The following ARHGAP24 variants were observed in gnomAD, a reference collection of about 807,000 sequenced individuals.
The protein encoded by ARHGAP24 is rho GTPase-activating protein 24.
ARHGAP24 carries 50 observed loss-of-function variants against 76.4 expected under a neutral mutation model. That is an observed-to-expected ratio of 0.65 (90% CI 0.52 to 0.83). The LOEUF (loss-of-function observed/expected upper bound fraction) is 0.83. Ranked by LOEUF, ARHGAP24 falls within the 40% of genes least tolerant of loss-of-function variation. ARHGAP24 has a pLI of 0.00. For synonymous variants in ARHGAP24, 345 were observed against 323.3 expected (o/e 1.07, Z -0.72); for missense variants, 930 against 914.2 (o/e 1.02, Z -0.22).
Position 85,510,840 on chromosome 4 carries a change from TCTC to T in ARHGAP24, c.-21+35282_-21+35284del, listed in dbSNP as rs748114735. ...CCTCCTCCTTCTCTCTCGCTCTCTC[TCTC>T]TTCCTCTGAGTCTCTATTCTCATCG... On this transcript the variant is annotated intron_variant, in intron 1 of 9. Coordinates refer to ENST00000395184, the MANE Select transcript of ARHGAP24 (RefSeq NM_001025616.3). Among the ~76,000 whole-genome samples the T allele has an allele frequency of 4.0e-3, 573 of 144,508 alleles. 4 individuals carry two copies. The highest frequency in any genetic ancestry group is 8.3e-3 in the South Asian group (35 of 4,212). 94.8% of individuals were successfully genotyped at this position (144,508 alleles called of 152,430 possible).
intron 3 of ARHGAP24, among the ~76,000 whole-genome samples, chr4:85,765,039 C>A (rs776703304): frequency 5.9e-5 from 9 of 151,998 alleles, no homozygotes; most frequent in Non-Finnish European, 1.2e-4. Flanking sequence ...TGCTTCCATG[C>A]AATAGAAGTG....
chr4:85,600,139 A>T (rs1006706169), intron 2 of ARHGAP24, among the ~76,000 whole-genome samples: 3 of 152,206 alleles, frequency 2.0e-5, no homozygotes. Context: ...AGGAGGGAAC[A>T]ACAGTAGGTG....
intron 5 of ARHGAP24, 150 bp downstream of exon 5, chr4:85,942,423 T>A: frequency 3.1e-6 from 3 of 966,218 alleles, no homozygotes; most frequent in Non-Finnish European, 4.7e-6. Context: ...TTGTTTCTAT[T>A]AAGTTACAAA....
At chr4:85,574,585 C>G (rs2109966460) in intron 2 of ARHGAP24, among the ~76,000 whole-genome samples, 1 of 152,172 alleles carries the variant, frequency 6.6e-6, no homozygotes, top group Non-Finnish European at 1.5e-5. Context: ...AAACGGGGGG[C>G]CCCAATGGAA....
At chr4:85,476,070 A>G (rs1465629541) in intron 1 of ARHGAP24, among the ~76,000 whole-genome samples, 5 of 148,358 alleles carry the variant, frequency 3.4e-5, no homozygotes, top group South Asian at 2.1e-4. Flanking sequence ...AATATATTAC[A>G]TATTAGAAAT....
At chr4:85,844,125 A>G (rs1486301252) in intron 3 of ARHGAP24, among the ~76,000 whole-genome samples, 5 of 152,228 alleles carry the variant, frequency 3.3e-5, no homozygotes, top group Admixed American at 6.5e-5. Context: ...ACATTATTCA[A>G]TGTCTTTATT....
intron 3 of ARHGAP24, among the ~76,000 whole-genome samples, chr4:85,810,753 A>T (rs1450730963): frequency 6.6e-6 from 1 of 152,234 alleles, no homozygotes; most frequent in Non-Finnish European, 1.5e-5. Flanking sequence ...ATTAAAAAAA[A>T]GTTTCTTCAG....
chr4:85,612,711 A>AT (rs1467432378), intron 2 of ARHGAP24, among the ~76,000 whole-genome samples: 1 of 147,430 alleles, frequency 6.8e-6, no homozygotes. Context: ...ATTTTGCCAT[A>AT]TTTTTTCATA....
chr4:85,793,309 T>G (rs1256159924), intron 3 of ARHGAP24, among the ~76,000 whole-genome samples: 1 of 152,142 alleles, frequency 6.6e-6, no homozygotes. Flanking sequence ...TGATAAAGAA[T>G]CCTTAAAGAA....
chr4:85,602,092 T>C lies in ARHGAP24; in HGVS notation c.180+31371T>C, dbSNP rs116063799. On this transcript the variant is annotated intron_variant, in intron 2 of 9. Coordinates refer to ENST00000395184, the MANE Select transcript of ARHGAP24 (RefSeq NM_001025616.3). The stretch of plus-strand genomic sequence containing the variant: ...AGATAGCCAGAGACTTTCTGCGTGA[T>C]AGAGCTTTTAGGGAGATGTTTACAT... 8.4e-3 allele frequency among the ~76,000 whole-genome samples: 1,276 copies of C among 152,318 alleles called. 21 individuals are homozygous for C. The highest frequency in any genetic ancestry group is 0.029 in the African/African-American group (1,216 of 41,556).
intron 3 of ARHGAP24, among the ~76,000 whole-genome samples, chr4:85,897,989 ATATAT>A (rs1482280168): frequency 6.4e-5 from 1 of 15,626 alleles, no homozygotes; most frequent in African/African-American, 3.1e-4. Flanking sequence ...ATACACACAT[ATATAT>A]ATATATATAC....
chr4:85,916,491 G>A (rs1279252436), intron 3 of ARHGAP24, among the ~76,000 whole-genome samples: 1 of 151,880 alleles, frequency 6.6e-6, no homozygotes, highest in African/African-American at 2.4e-5. Context: ...ACTAAAGTTG[G>A]GGAAAGTAAT....
At position 85,838,991 on chromosome 4, in the gene ARHGAP24, A is replaced by G. The variant is rs1303477788; in HGVS notation, c.269-84657A>G. Reference sequence around the variant, plus strand: ...CAAAAATCGTAGCTCAGTTGCCACAACCTGAGCATTGTTCATGGCATTTTC... The same window carrying G: ...CAAAAATCGTAGCTCAGTTGCCACAGCCTGAGCATTGTTCATGGCATTTTC... On this transcript the variant is annotated intron_variant, in intron 3 of 9. Transcript: ENST00000395184. 4.7e-4 allele frequency among the ~76,000 whole-genome samples: 71 copies of G among 152,180 alleles called. 1 individual carries two copies. The highest frequency in any genetic ancestry group is 4.6e-3 in the Admixed American group (71 of 15,278).
intron 1 of ARHGAP24, among the ~76,000 whole-genome samples, chr4:85,559,070 C>G (rs947929041): frequency 2.0e-5 from 3 of 152,148 alleles, no homozygotes; most frequent in African/African-American, 7.2e-5. Flanking sequence ...AAATTATAGG[C>G]ACAGCAGTTA....
At chr4:85,705,120 A>C (rs951387194) in intron 2 of ARHGAP24, among the ~76,000 whole-genome samples, 1 of 152,128 alleles carries the variant, frequency 6.6e-6, no homozygotes, top group Non-Finnish European at 1.5e-5. Flanking sequence ...ATAATAACAC[A>C]CTATAATTTG....
intron 3 of ARHGAP24, among the ~76,000 whole-genome samples, chr4:85,844,128 T>C (rs1730745046): frequency 6.6e-6 from 1 of 152,240 alleles, no homozygotes; most frequent in African/African-American, 2.4e-5. Flanking sequence ...TTATTCAATG[T>C]CTTTATTAGT....
intron 4 of ARHGAP24, among the ~76,000 whole-genome samples, chr4:85,927,670 A>C (rs995957068): frequency 3.3e-5 from 5 of 152,118 alleles, no homozygotes; most frequent in Non-Finnish European, 7.4e-5. Context: ...GTGACATATC[A>C]CTCTGATTTA....
At chr4:85,752,906 A>G (rs1397110664) in intron 3 of ARHGAP24, among the ~76,000 whole-genome samples, 1 of 152,198 alleles carries the variant, frequency 6.6e-6, no homozygotes, top group African/African-American at 2.4e-5. Context: ...TTACTTCTGA[A>G]CATTACCAGA....
intron 3 of ARHGAP24, among the ~76,000 whole-genome samples, chr4:85,896,299 T>C (rs1734175901): frequency 1.3e-5 from 2 of 152,178 alleles, no homozygotes; most frequent in African/African-American, 4.8e-5. Context: ...TTTTAAGTAG[T>C]TCTGTATTAC....
Sources: gnomAD v4.1 joint callset for allele counts (sites outside exome capture counted in the v4.1 genomes callset) on GRCh38, gnomAD v4.1.1 for gene constraint, MANE v1.5 for transcripts, NCBI Gene and HGNC (gene_info 2026-07-23, HGNC 2026-07-21) for gene names.